The following KIAA1549L variants were observed in gnomAD, a reference collection of about 807,000 sequenced individuals.
The protein encoded by KIAA1549L is UPF0606 protein KIAA1549L.
In KIAA1549L, 88 loss-of-function variants were observed where a neutral mutation model predicts 160.7. The ratio of observed to expected loss-of-function variants is 0.55; its 90% confidence interval spans 0.46 to 0.65. KIAA1549L has a LOEUF of 0.65. Among genes scored for constraint, KIAA1549L ranks in the 30% least tolerant of loss-of-function variants. KIAA1549L has a pLI of 0.00. For missense variants in KIAA1549L, 2,258 were observed against 2,437.5 expected (o/e 0.93, Z 1.55); for synonymous variants, 950 against 976.7 (o/e 0.97, Z 0.51).
rs546973615 is a variant in KIAA1549L, at chr11:33,404,495, C to G, written c.238+27606C>G. Among the ~76,000 whole-genome samples the G allele has an allele frequency of 5.9e-5, 9 of 152,068 alleles. No homozygotes were observed. The East Asian group carries it at 1.7e-3, about 29-fold the overall frequency. ...TGAGCCAAGATCACACAATTGCACTCCAGCCTGGGCGACAGAGCGAGACTC... is the reference window on the plus strand; with the variant it reads ...TGAGCCAAGATCACACAATTGCACTGCAGCCTGGGCGACAGAGCGAGACTC... On this transcript the variant is annotated intron_variant, in intron 1 of 20. Transcript: ENST00000658780.
chr11:33,666,589 C>G (rs563898899), intron 20 of KIAA1549L, among the ~76,000 whole-genome samples: 10 of 152,244 alleles, frequency 6.6e-5, no homozygotes, highest in African/African-American at 2.4e-4. Flanking sequence ...CCTGAAACAG[C>G]ATCCCTGTAT....
At position 33,609,754 on chromosome 11, in the gene KIAA1549L, C is replaced by T; in HGVS notation, c.5067C>T (p.Asn1689=). Residue 1689 remains asparagine, a synonymous_variant, in exon 15 of 21, where the codon AAC becomes AAT. Coordinates refer to ENST00000658780, the MANE Select transcript of KIAA1549L (RefSeq NM_012194.3). ...ESSAVLNGEV[N]KALKQKSDIE... Reference sequence around the variant, plus strand: ...GAGACTGCCTCTCTCCCCAGGTGAACAAAGCCCTGAAGCAGAAGTCAGACA... The same window carrying T: ...GAGACTGCCTCTCTCCCCAGGTGAATAAAGCCCTGAAGCAGAAGTCAGACA... The T allele has an allele frequency of 9.4e-6, 15 of 1,604,200 alleles. No individual in the cohort carries two copies. The highest frequency in any genetic ancestry group is 1.3e-5 in the Non-Finnish European group (15 of 1,175,650).
intron 16 of KIAA1549L, among the ~76,000 whole-genome samples, chr11:33,626,132 T>A (rs1851106178): frequency 6.7e-6 from 1 of 149,230 alleles, no homozygotes; most frequent in Non-Finnish European, 1.5e-5. Context: ...TCTGTTTTGG[T>A]ACCAGTACCA....
At chr11:33,435,806 A>G (rs4755593) in intron 1 of KIAA1549L, among the ~76,000 whole-genome samples, 1,052 of 19,430 alleles carry the variant, frequency 0.054, 90 homozygotes, top group Non-Finnish European at 0.061. Context: ...ATATATATAT[A>G]TATATGTGTG....
At chr11:33,647,328 A>G (rs1029045480) in intron 17 of KIAA1549L, among the ~76,000 whole-genome samples, 5 of 149,024 alleles carry the variant, frequency 3.4e-5, no homozygotes, top group Non-Finnish European at 7.4e-5. Context: ...GTGAGCCAAG[A>G]CTGTGAGACT....
At chr11:33,648,295 C>T (rs894222345) in intron 17 of KIAA1549L, among the ~76,000 whole-genome samples, 3 of 152,024 alleles carry the variant, frequency 2.0e-5, no homozygotes, top group East Asian at 1.9e-4. Flanking sequence ...CATGGCTGGC[C>T]GAATCAGAAC....
At chr11:33,547,402 G>A (rs185037210) in intron 3 of KIAA1549L, among the ~76,000 whole-genome samples, 4 of 152,298 alleles carry the variant, frequency 2.6e-5, no homozygotes, top group African/African-American at 4.8e-5. Flanking sequence ...GTTTGAGGCC[G>A]CAGCACCGAG....
chr11:33,488,186 T>G (rs1213773059), intron 1 of KIAA1549L, among the ~76,000 whole-genome samples: 2 of 152,238 alleles, frequency 1.3e-5, no homozygotes, highest in African/African-American at 4.8e-5. Context: ...AGTGAGTCTA[T>G]GTTTGTAATG....
At chr11:33,495,237 T>G (rs1367044096) in intron 1 of KIAA1549L, among the ~76,000 whole-genome samples, 2 of 152,122 alleles carry the variant, frequency 1.3e-5, no homozygotes, top group East Asian at 3.9e-4. Context: ...TAACTCGTCA[T>G]CTAGCATTAG....
chr11:33,407,449 C>T (rs1850689817), intron 1 of KIAA1549L, among the ~76,000 whole-genome samples: 1 of 152,006 alleles, frequency 6.6e-6, no homozygotes, highest in South Asian at 2.1e-4. Context: ...TCAAGTGATT[C>T]TCCTGCCTCA....
rs1294689849 is a variant in KIAA1549L, at chr11:33,669,422, C to T, written c.*1268C>T. Reference sequence around the variant, plus strand: ...ACTGAGGCACCAGCCGCTGCCTACCCATCAATGCAAGCAAAACAGCTACTG... The same window carrying T: ...ACTGAGGCACCAGCCGCTGCCTACCTATCAATGCAAGCAAAACAGCTACTG... On this transcript the variant is annotated 3_prime_UTR_variant, in exon 21 of 21. Transcript: ENST00000658780. 6.6e-6 allele frequency: 1 copy of T among 152,154 alleles called. No individual in the cohort carries two copies. The highest frequency in any genetic ancestry group is 2.4e-5 in the African/African-American group (1 of 41,422). The allele number at this position is 152,154 out of a possible 1,614,324, so 9.4% of individuals were successfully genotyped here. A position where few individuals can be genotyped will look rare whatever the true frequency, so the allele number is the denominator to read the frequency against.
intron 1 of KIAA1549L, among the ~76,000 whole-genome samples, chr11:33,455,397 CA>C (rs147246276): frequency 0.031 from 4,685 of 152,200 alleles, 241 homozygotes; most frequent in African/African-American, 0.11. Context: ...TCCATTATGG[CA>C]GAAAATACTT....
At chr11:33,486,349 T>C (rs1331619062) in intron 1 of KIAA1549L, among the ~76,000 whole-genome samples, 1 of 152,232 alleles carries the variant, frequency 6.6e-6, no homozygotes, top group Non-Finnish European at 1.5e-5. Context: ...TCTGGGTATA[T>C]ATCCAGAGAA....
At chr11:33,524,517 A>ACTTT (rs148382946) in intron 1 of KIAA1549L, among the ~76,000 whole-genome samples, 108,824 of 151,570 alleles carry the variant, frequency 0.72, 40,314 homozygotes, top group African/African-American at 0.92. Context: ...AGAGGAATTT[A>ACTTT]CTATTTCTAA....
intron 1 of KIAA1549L, among the ~76,000 whole-genome samples, chr11:33,470,071 T>C (rs1459667330): frequency 2.0e-5 from 3 of 152,356 alleles, no homozygotes; most frequent in South Asian, 2.1e-4. Flanking sequence ...TTTGGTGTCA[T>C]ATCTAAGGAA....
chr11:33,645,551 G>A, intron 16 of KIAA1549L, 135 bp from the exon 17 acceptor site: 1 of 675,522 alleles, frequency 1.5e-6, no homozygotes, highest in South Asian at 1.9e-5. Flanking sequence ...TTCCTAGATA[G>A]GGCACGTAGG....
At chr11:33,614,376 ACTGT>A (rs1225454090) in intron 15 of KIAA1549L, among the ~76,000 whole-genome samples, 1 of 150,232 alleles carries the variant, frequency 6.7e-6, no homozygotes, top group Non-Finnish European at 1.5e-5. Flanking sequence ...ACCCTGAGTC[ACTGT>A]CTGTCTGCCC....
rs778114335 is a variant in KIAA1549L, at chr11:33,550,607, G to A, written c.3502-433G>A. On this transcript the variant is annotated intron_variant, in intron 4 of 20. Coordinates refer to ENST00000658780, the MANE Select transcript of KIAA1549L (RefSeq NM_012194.3). ...AATTCACTTTACTTACTCCTTGACC[G>A]GTGCCCCCAAGGTTCCCCCACTTAA... Among the ~76,000 whole-genome samples, 9 of 152,110 alleles carry A rather than the reference G, an allele frequency of 5.9e-5. No homozygotes were observed. In the Middle Eastern group the frequency reaches 0.01, roughly 172 times the overall value.
chr11:33,553,733 C>G (rs191359119), intron 6 of KIAA1549L, among the ~76,000 whole-genome samples: 21 of 152,270 alleles, frequency 1.4e-4, no homozygotes, highest in Middle Eastern at 6.8e-3. Flanking sequence ...CTAGTTAGAT[C>G]TTGGCAGCAC....
Sources: allele counts gnomAD v4.1 joint callset (sites outside exome capture counted in the v4.1 genomes callset), GRCh38; gene constraint gnomAD v4.1.1; transcripts MANE v1.5; gene names NCBI Gene and HGNC (gene_info 2026-07-23, HGNC 2026-07-21).